The following EFCAB3 variants were observed in gnomAD, a reference collection of about 807,000 sequenced individuals.
EFCAB3 encodes EF-hand calcium-binding domain-containing protein 3.
EFCAB3 carries 36 observed loss-of-function variants against 42.2 expected under a neutral mutation model. The ratio of observed to expected loss-of-function variants is 0.85; its 90% confidence interval spans 0.65 to 1.13. EFCAB3 has a LOEUF of 1.13. Among genes scored for constraint, EFCAB3 ranks in the 50% most tolerant of loss-of-function variants. The pLI is 0.00. For synonymous variants in EFCAB3, 170 were observed against 172.8 expected (o/e 0.98, Z 0.13); for missense variants, 418 against 505.1 (o/e 0.83, Z 1.65).
intron 6 of EFCAB3, among the ~76,000 whole-genome samples, chr17:62,405,645 T>C (rs1394126059): frequency 1.3e-5 from 2 of 152,240 alleles, no homozygotes; most frequent in East Asian, 3.8e-4. Context: ...AGGAGGAAGC[T>C]GATCACCACA....
In EFCAB3 at chr17:62,406,780, T is replaced by C. The variant is rs1484822084; in HGVS notation, c.682+107T>C. The C allele has an allele frequency of 5.8e-6, 7 of 1,206,768 alleles. No individual in the cohort carries two copies. In the East Asian group the frequency reaches 1.3e-4, roughly 22 times the overall value. 74.8% of individuals were successfully genotyped at this position (1,206,768 alleles called of 1,614,324 possible). A position where few individuals can be genotyped will look rare whatever the true frequency, so the allele number is the denominator to read the frequency against. ...ATGGCATAAGAACAGGACTGCAGCC[T>C]ATTCTGAGTGACCACTCTCTGTCAC... is the stretch of plus-strand genomic sequence containing the variant. On this transcript the variant is annotated intron_variant, in intron 7 of 9. Transcript: ENST00000305286.
At chr17:62,415,124 A>C (rs1393821580) in intron 9 of EFCAB3, among the ~76,000 whole-genome samples, 1 of 151,480 alleles carries the variant, frequency 6.6e-6, no homozygotes, top group East Asian at 1.9e-4. Context: ...AAAAACAAAA[A>C]AAAACAAAAA....
rs1407547355 is a variant in EFCAB3 at position 62,391,696 on chromosome 17, C to G, written c.152-126C>G. The G allele has an allele frequency of 3.9e-6, 4 of 1,027,296 alleles. No homozygotes were observed. In the African/African-American group the frequency reaches 6.4e-5, roughly 16 times the overall value. 63.6% of individuals were successfully genotyped at this position (1,027,296 alleles called of 1,614,324 possible). On this transcript the variant is annotated intron_variant, in intron 3 of 9. Transcript: ENST00000305286. ...TTATAAGAAATGTCTATTAAGCACT[C>G]ATTTTTTTCGCAATCCTTTTTTTAG...
In EFCAB3 at chr17:62,380,623, G is replaced by A. The variant is rs757834715; in HGVS notation, c.-18+10G>A. On this transcript the variant is annotated intron_variant, in intron 1 of 9. Coordinates refer to ENST00000305286, the MANE Select transcript of EFCAB3 (RefSeq NM_173503.4). ...CACGGCTTAAAAGTAGGTAAATATC[G>A]TGATTTTGTAGGATTCTATGCTAAG... 29 of 983,570 alleles carry A rather than the reference G, an allele frequency of 2.9e-5. No homozygotes were observed. Among genetic ancestry groups the A allele is most frequent in the Non-Finnish European group, 3.4e-5 (28 of 828,418 alleles). The allele number at this position is 983,570 out of a possible 1,614,324, so 60.9% of individuals were successfully genotyped here.
chr17:62,370,243 TA>T lies in EFCAB3; in HGVS notation c.-45del, dbSNP rs1267479358. ...GGAGAGGTGATTGATGTCCAGAACT[TA>T]GACAATTTCTAGCAAGCGAAGGGAT... On this transcript the variant is annotated 5_prime_UTR_variant, in exon 1 of 12. Transcript: ENST00000450662. 2.6e-6 allele frequency: 4 copies of T among 1,546,550 alleles called. No individual in the cohort carries two copies. The South Asian group carries it at 4.8e-5, about 18-fold the overall frequency.
At chr17:62,385,026 C>T (rs1323146161) in intron 2 of EFCAB3, among the ~76,000 whole-genome samples, 1 of 152,150 alleles carries the variant, frequency 6.6e-6, no homozygotes, top group South Asian at 2.1e-4. Context: ...AAATTAAATG[C>T]ATTTTCAATT....
At chr17:62,374,331 C>G (rs929962407) in intron 2 of EFCAB3, among the ~76,000 whole-genome samples, 1 of 152,112 alleles carries the variant, frequency 6.6e-6, no homozygotes, top group Admixed American at 6.6e-5. Context: ...CGTCATGGTG[C>G]GTGCCTGTAG....
intron 4 of EFCAB3, 115 bp downstream of exon 4, chr17:62,392,080 ATATATATATATTTGTGTG>A (rs1034085166): frequency 1.3e-6 from 1 of 761,610 alleles, no homozygotes; most frequent in African/African-American, 1.8e-5. Context: ...GCCCCCCCAA[ATATATATATATTTGTGTG>A]TATATATATA....
intron 8 of EFCAB3, among the ~76,000 whole-genome samples, chr17:62,410,059 C>T (rs1325055976): frequency 2.0e-5 from 3 of 151,884 alleles, no homozygotes; most frequent in South Asian, 2.1e-4. Flanking sequence ...ATTAGCTGAG[C>T]GTGGTGGCAT....
intron 2 of EFCAB3, among the ~76,000 whole-genome samples, chr17:62,386,831 C>T (rs2070255864): frequency 6.6e-6 from 1 of 152,114 alleles, no homozygotes; most frequent in African/African-American, 2.4e-5. Context: ...CTCTGTCACC[C>T]AGGCTGAAGC....
intron 2 of EFCAB3, chr17:62,373,936 T>A: frequency 2.4e-6 from 2 of 836,026 alleles, no homozygotes; most frequent in Non-Finnish European, 3.7e-6. Context: ...TATCTGTGTT[T>A]TCTTGGTTAT....
intron 2 of EFCAB3, 101 bp downstream of exon 2, chr17:62,383,154 C>G: frequency 1.8e-6 from 2 of 1,102,956 alleles, no homozygotes; most frequent in Non-Finnish European, 2.6e-6. Flanking sequence ...CCGATCTTTA[C>G]TGGGAAGCCC....
rs779182670 is a variant in EFCAB3 at position 62,395,035 on chromosome 17, T to C, written c.368-33T>C. On this transcript the variant is annotated intron_variant, in intron 5 of 9. Coordinates refer to ENST00000305286, the MANE Select transcript of EFCAB3 (RefSeq NM_173503.4). ...GGTCAATTTCTTATTTCAGAAGGTA[T>C]TTAAAAATCTATCTTTTGTTTTCCC... 4 of 1,608,712 alleles carry C rather than the reference T, an allele frequency of 2.5e-6. No individual in the cohort carries two copies. The South Asian group carries it at 3.3e-5, about 13-fold the overall frequency.
At chr17:62,399,020 G>C (rs1427726281) in intron 6 of EFCAB3, among the ~76,000 whole-genome samples, 2 of 151,900 alleles carry the variant, frequency 1.3e-5, no homozygotes, top group African/African-American at 4.8e-5. Flanking sequence ...TTTGACTGCT[G>C]CTCCCCTGCT....
At chr17:62,382,590 C>G (rs546426706) in intron 1 of EFCAB3, among the ~76,000 whole-genome samples, 2 of 152,324 alleles carry the variant, frequency 1.3e-5, no homozygotes, top group African/African-American at 4.8e-5. Context: ...TATCTCCTTC[C>G]TCAACCACCA....
upstream of EFCAB3, among the ~76,000 whole-genome samples, chr17:62,376,650 A>G (rs1334206736): frequency 6.6e-6 from 1 of 152,142 alleles, no homozygotes; most frequent in Non-Finnish European, 1.5e-5. Flanking sequence ...TTTTTCTCCC[A>G]TTTCCATTTC....
rs1341923120 is a variant in EFCAB3, at chr17:62,407,544, T to C, written c.867+332T>C. 3.9e-5 allele frequency among the ~76,000 whole-genome samples: 6 copies of C among 152,040 alleles called. No homozygotes were observed. In the East Asian group the frequency reaches 1.2e-3, roughly 29 times the overall value. On this transcript the variant is annotated intron_variant, in intron 8 of 9. Transcript: ENST00000305286. ...TGGACACGCTCCATCCACTCTAGAT[T>C]GTGGTTGGGCAAACACCATGAGATG...
At chr17:62,394,380 T>C (rs970684623) in intron 5 of EFCAB3, among the ~76,000 whole-genome samples, 1 of 152,214 alleles carries the variant, frequency 6.6e-6, no homozygotes, top group Non-Finnish European at 1.5e-5. Flanking sequence ...GTCGATAATT[T>C]ACTGTTCTTG....
chr17:62,378,002 T>C (rs186566856), upstream of EFCAB3: 73 of 1,549,826 alleles, frequency 4.7e-5, 1 homozygote, highest in Non-Finnish European at 6.1e-5. Context: ...AGTTGAAAAC[T>C]GCAAATGATA....
Sources: gnomAD v4.1 joint callset for allele counts (sites outside exome capture counted in the v4.1 genomes callset) on GRCh38, gnomAD v4.1.1 for gene constraint, MANE v1.5 for transcripts, NCBI Gene and HGNC (gene_info 2026-07-23, HGNC 2026-07-21) for gene names.